SMIM36: variants seen among roughly 807,000 people sequenced by gnomAD.
SMIM36 encodes small integral membrane protein 36.
intron 1 of SMIM36, among the ~76,000 whole-genome samples, chr17:55,501,977 A>T (rs1909994459): frequency 6.7e-6 from 1 of 149,858 alleles, no homozygotes; most frequent in South Asian, 2.2e-4. Context: ...GCACCTGGAA[A>T]ATCGGGTCAC....
the SMIM36 span, among the ~76,000 whole-genome samples, chr17:55,519,024 A>G: frequency 6.7e-6 from 1 of 150,140 alleles, no homozygotes; most frequent in Non-Finnish European, 1.5e-5. Context: ...CCGAGGAATG[A>G]GTTAAGATCA....
intron 1 of SMIM36, among the ~76,000 whole-genome samples, chr17:55,500,728 A>AATAT (rs1909895226): frequency 2.0e-5 from 1 of 49,254 alleles, no homozygotes; most frequent in Non-Finnish European, 3.1e-5. Context: ...AATTTTTAAA[A>AATAT]GAACATTCAT....
chr17:55,481,024 A>G (rs1909510134), intron 1 of SMIM36, among the ~76,000 whole-genome samples: 1 of 152,058 alleles, frequency 6.6e-6, no homozygotes. Flanking sequence ...ACACATACAT[A>G]TATACATTCT....
At chr17:55,492,472 T>C (rs1275400095) in intron 1 of SMIM36, among the ~76,000 whole-genome samples, 1 of 151,676 alleles carries the variant, frequency 6.6e-6, no homozygotes, top group African/African-American at 2.4e-5. Flanking sequence ...TCACGATCTC[T>C]TGACCTCATA....
At chr17:55,492,355 G>C (rs1484696709) in intron 1 of SMIM36, among the ~76,000 whole-genome samples, 2 of 145,050 alleles carry the variant, frequency 1.4e-5, no homozygotes, top group African/African-American at 5.1e-5. Flanking sequence ...CAATTCCCCT[G>C]CCTCAGCCTC....
At chr17:55,462,599 A>C (rs1909164812) in intron 4 of SMIM36, among the ~76,000 whole-genome samples, 1 of 152,104 alleles carries the variant, frequency 6.6e-6, no homozygotes, top group Non-Finnish European at 1.5e-5. Flanking sequence ...GAGTGAGATT[A>C]TGTCTCTAAA....
At chr17:55,493,757 C>A (rs982139906) in intron 1 of SMIM36, among the ~76,000 whole-genome samples, 3 of 147,854 alleles carry the variant, frequency 2.0e-5, no homozygotes, top group Non-Finnish European at 4.4e-5. Flanking sequence ...CTCCAGTGAC[C>A]CGAGATCGCG....
chr17:55,518,763 T>C, the SMIM36 span, among the ~76,000 whole-genome samples: 1 of 151,878 alleles, frequency 6.6e-6, no homozygotes, highest in Non-Finnish European at 1.5e-5. Flanking sequence ...GGGTTGTGAG[T>C]TGTGAAAGGG....
At chr17:55,485,825 T>G (rs1909595384) in intron 1 of SMIM36, among the ~76,000 whole-genome samples, 1 of 152,142 alleles carries the variant, frequency 6.6e-6, no homozygotes, top group Non-Finnish European at 1.5e-5. Context: ...ACTGAGAAAT[T>G]AGCTACCCAA....
At chr17:55,515,086 G>GTTTTTTTTTTTTT (rs1158864125), upstream of SMIM36, among the ~76,000 whole-genome samples, 5 of 54,084 alleles carry the variant, frequency 9.2e-5, 1 homozygote, top group Non-Finnish European at 1.6e-4. Context: ...CTAGTCTAGT[G>GTTTTTTTTTTTTT]TTTTTTTTTT....
intron 3 of SMIM36, among the ~76,000 whole-genome samples, chr17:55,470,437 T>G (rs1322636206): frequency 6.6e-6 from 1 of 152,116 alleles, no homozygotes; most frequent in Non-Finnish European, 1.5e-5. Flanking sequence ...CACTCCACAT[T>G]ACCTTCTTTT....
intron 1 of SMIM36, among the ~76,000 whole-genome samples, chr17:55,502,405 G>T (rs1910008822): frequency 1.0e-5 from 1 of 99,948 alleles, no homozygotes; most frequent in Admixed American, 8.8e-5. Context: ...TCTTCAAGTG[G>T]GTCCCTGACC....
rs559622902 is a variant in SMIM36, at chr17:55,460,856, T to C, written c.*531+6289A>G. Among the ~76,000 whole-genome samples, 3 of 152,010 alleles carry C rather than the reference T, an allele frequency of 2.0e-5. No homozygotes were observed. The East Asian group carries it at 5.8e-4, about 29-fold the overall frequency. On this transcript the variant is annotated intron_variant, in intron 4 of 4. Transcript: ENST00000636752. ...CTGGGTGACAGAGTGAGACCCTGTC[T>C]CAAAAAAACAAAAACAAAAAAAACC...
rs565272014 is a variant in SMIM36, at chr17:55,464,278, G to T, written c.*531+2867C>A. On this transcript the variant is annotated intron_variant, in intron 4 of 4. Coordinates refer to ENST00000636752, the Ensembl canonical transcript of SMIM36. ...CTCAATATGGTATTGATTCCACGTG[G>T]AGCCCTGTGCCATGTGATGGACAGT... Among the ~76,000 whole-genome samples, 8 of 152,248 alleles carry T rather than the reference G, an allele frequency of 5.3e-5. 1 individual carries two copies. The South Asian group carries it at 6.2e-4, about 12-fold the overall frequency.
rs1481597188 is a variant in SMIM36 at position 55,511,276 on chromosome 17, C to T, written c.59G>A (p.Ser20Asn). The T allele has an allele frequency of 1.5e-5, 6 of 398,536 alleles. 1 individual carries two copies. In the South Asian group the frequency reaches 7.6e-4, roughly 51 times the overall value. 24.7% of individuals were successfully genotyped at this position (398,536 alleles called of 1,614,324 possible). The change falls in exon 1 of 5, where the codon AGC becomes AAC. Residue 20 changes from serine to asparagine, a missense_variant. By Grantham distance (46) the Ser-to-Asn change is conservative. Transcript: ENST00000636752. ...GAAGACCAGGAGCAAGATGACGTAGCTCGCAACTAGGATGATCAGGTTCAA... is the reference window on the plus strand; with the variant it reads ...GAAGACCAGGAGCAAGATGACGTAGTTCGCAACTAGGATGATCAGGTTCAA...
intron 1 of SMIM36, among the ~76,000 whole-genome samples, chr17:55,483,514 A>C (rs77865814): frequency 0.08 from 12,175 of 152,250 alleles, 535 homozygotes; most frequent in South Asian, 0.15. Context: ...TCCTCTAGTC[A>C]GTCGAAAAGC....
At chr17:55,481,703 T>C (rs1280054403) in intron 1 of SMIM36, among the ~76,000 whole-genome samples, 1 of 152,116 alleles carries the variant, frequency 6.6e-6, no homozygotes, top group Non-Finnish European at 1.5e-5. Flanking sequence ...TAATTATTAT[T>C]ATTATTTTGA....
At chr17:55,491,096 C>T (rs1372009233) in intron 1 of SMIM36, among the ~76,000 whole-genome samples, 1 of 151,618 alleles carries the variant, frequency 6.6e-6, no homozygotes, top group East Asian at 1.9e-4. Context: ...CTCTACAAAA[C>T]ATTAGCCTGA....
the SMIM36 span, among the ~76,000 whole-genome samples, chr17:55,525,516 C>T: frequency 8.2e-3 from 1,252 of 152,324 alleles, 4 homozygotes; most frequent in Middle Eastern, 0.02. Flanking sequence ...CTTTTGATGA[C>T]TGAATATTCT....
Sources: allele counts gnomAD v4.1 joint callset (sites outside exome capture counted in the v4.1 genomes callset), GRCh38; gene constraint gnomAD v4.1.1; transcripts MANE v1.5; gene names NCBI Gene and HGNC (gene_info 2026-07-23, HGNC 2026-07-21).